Variants in EIF4G3 observed in about 807,000 individuals in gnomAD.
The protein encoded by EIF4G3 is eIF-4-gamma 3.
Under a neutral mutation model 186.4 loss-of-function variants are expected in EIF4G3, and 34 were observed. That is an observed-to-expected ratio of 0.18 (90% CI 0.14 to 0.24). EIF4G3 has a LOEUF of 0.24. EIF4G3 is among the 10% of genes least tolerant of loss of function. The pLI is 1.00. For missense variants in EIF4G3, 1,536 were observed against 1,948.5 expected (o/e 0.79, Z 3.99); for synonymous variants, 673 against 679.5 (o/e 0.99, Z 0.15).
At chr1:21,128,085 T>C (rs2097083546) in intron 2 of EIF4G3, among the ~76,000 whole-genome samples, 1 of 151,898 alleles carries the variant, frequency 6.6e-6, no homozygotes, top group South Asian at 2.1e-4. Flanking sequence ...CGGGCGCCTG[T>C]AGTCCCAGCT....
In EIF4G3 at chr1:20,806,702, T is replaced by C. The variant is rs946872202; in HGVS notation, c.*617A>G. On this transcript the variant is annotated 3_prime_UTR_variant, in exon 37 of 37. Coordinates refer to ENST00000602326, the MANE Select transcript of EIF4G3 (RefSeq NM_001391906.1). ...GAGTTCTGTGGTCCACAGCATTTCCTTCTGTTTCAATGTTATGTATGTTTT... is the reference window on the plus strand; with the variant it reads ...GAGTTCTGTGGTCCACAGCATTTCCCTCTGTTTCAATGTTATGTATGTTTT... The C allele has an allele frequency of 6.6e-6, 1 of 152,492 alleles. No individual in the cohort carries two copies. Among genetic ancestry groups the C allele is most frequent in the Non-Finnish European group, 1.5e-5 (1 of 68,008 alleles). 9.4% of individuals were successfully genotyped at this position (152,492 alleles called of 1,614,324 possible). A position where few individuals can be genotyped will look rare whatever the true frequency, so the allele number is the denominator to read the frequency against.
At chr1:21,146,046 G>C (rs1333210830) in intron 2 of EIF4G3, among the ~76,000 whole-genome samples, 1 of 152,090 alleles carries the variant, frequency 6.6e-6, no homozygotes, top group East Asian at 1.9e-4. Flanking sequence ...AGTGAGCCAA[G>C]ATTGTGCCAC....
At chr1:21,085,822 T>C (rs554914371) in intron 3 of EIF4G3, among the ~76,000 whole-genome samples, 3 of 152,116 alleles carry the variant, frequency 2.0e-5, no homozygotes, top group Admixed American at 6.6e-5. Context: ...GTCTCCCGAA[T>C]AGCTGGGACT....
intron 2 of EIF4G3, among the ~76,000 whole-genome samples, chr1:21,169,300 A>C (rs937355624): frequency 6.6e-6 from 1 of 152,012 alleles, no homozygotes; most frequent in African/African-American, 2.4e-5. Flanking sequence ...AAAATACAAA[A>C]ATTAGCTGCG....
chr1:20,857,111 C>G (rs1011295136), intron 25 of EIF4G3, among the ~76,000 whole-genome samples: 9 of 129,552 alleles, frequency 6.9e-5, no homozygotes, highest in East Asian at 6.7e-4. Context: ...TGCAGTGAGC[C>G]AAGATCGTGC....
intron 7 of EIF4G3, among the ~76,000 whole-genome samples, chr1:20,989,362 C>T (rs139611860): frequency 6.6e-6 from 1 of 150,482 alleles, no homozygotes; most frequent in Non-Finnish European, 1.5e-5. Context: ...TCGAGACCAG[C>T]CTGCCCAACA....
intron 2 of EIF4G3, among the ~76,000 whole-genome samples, chr1:21,166,399 CA>C (rs2097855931): frequency 6.6e-6 from 1 of 152,054 alleles, no homozygotes; most frequent in South Asian, 2.1e-4. Context: ...CACTACACTC[CA>C]GCCTGAAAGA....
chr1:21,082,814 G>A (rs547414453), intron 3 of EIF4G3, among the ~76,000 whole-genome samples: 23 of 151,628 alleles, frequency 1.5e-4, no homozygotes, highest in African/African-American at 4.6e-4. Flanking sequence ...CGAGACGGGC[G>A]GATCACGAGG....
chr1:21,025,778 G>C (rs2091988318), intron 4 of EIF4G3, among the ~76,000 whole-genome samples: 1 of 152,114 alleles, frequency 6.6e-6, no homozygotes, highest in Non-Finnish European at 1.5e-5. Context: ...ATGTCAAAGA[G>C]ATCTCTAGGT....
chr1:21,021,237 GC>G (rs1054342879), intron 4 of EIF4G3, among the ~76,000 whole-genome samples: 5 of 152,146 alleles, frequency 3.3e-5, no homozygotes, highest in African/African-American at 9.7e-5. Context: ...GCCCACCTCA[GC>G]CCCCCAAAGT....
intron 4 of EIF4G3, among the ~76,000 whole-genome samples, chr1:21,007,208 G>A (rs925461094): frequency 1.3e-5 from 2 of 151,988 alleles, no homozygotes; most frequent in Admixed American, 1.3e-4. Context: ...GACCAGCCTG[G>A]CCAACATGGT....
At chr1:20,981,640 AC>A (rs1283033529) in intron 8 of EIF4G3, among the ~76,000 whole-genome samples, 1 of 125,950 alleles carries the variant, frequency 7.9e-6, no homozygotes, top group Admixed American at 8.1e-5. Context: ...ATACGCACAT[AC>A]TGTATGTATA....
At chr1:21,083,146 TAGG>T (rs1369516057) in intron 3 of EIF4G3, among the ~76,000 whole-genome samples, 1 of 150,278 alleles carries the variant, frequency 6.7e-6, no homozygotes, top group East Asian at 2.0e-4. Flanking sequence ...GAAGCTGATG[TAGG>T]AGGTTCACTT....
rs569307734 is a variant in EIF4G3 at position 20,909,275 on chromosome 1, T to C, written c.1664-4304A>G. On this transcript the variant is annotated intron_variant, in intron 14 of 36. Transcript: ENST00000602326. Reference sequence around the variant, plus strand: ...ATGCATCCTGAGGAACTATTCTGTGTAGACACATGATCTAGAACATGCACT... The same window carrying C: ...ATGCATCCTGAGGAACTATTCTGTGCAGACACATGATCTAGAACATGCACT... Among the ~76,000 whole-genome samples, 5 of 152,372 alleles carry C rather than the reference T, an allele frequency of 3.3e-5. No individual in the cohort carries two copies. The East Asian group carries it at 9.6e-4, about 29-fold the overall frequency.
Position 20,864,551 on chromosome 1 carries a change from A to G in EIF4G3, c.2931T>C (p.His977=), listed in dbSNP as rs2077146895. 2 of 1,614,156 alleles carry G rather than the reference A, an allele frequency of 1.2e-6. No homozygotes were observed. Among genetic ancestry groups the G allele is most frequent in the South Asian group, 2.2e-5 (2 of 91,080 alleles). The part of the protein sequence containing the change: ...HDCVVKLLKN[H]DEESLECLCR... ...ACAGGCACTCCAGGGATTCTTCATC[A>G]TGGTTCTTTAGCAGCTTCACCACAC... The change falls in exon 22 of 37, where the codon CAT becomes CAC. Residue 977 remains histidine, a synonymous_variant. Transcript: ENST00000602326.
At chr1:20,989,217 G>A (rs899587601) in intron 7 of EIF4G3, among the ~76,000 whole-genome samples, 1 of 151,128 alleles carries the variant, frequency 6.6e-6, no homozygotes, top group African/African-American at 2.4e-5. Context: ...TCAATGGAAG[G>A]AGTAAGTGCT....
chr1:21,019,730 A>G (rs906492244), intron 4 of EIF4G3, among the ~76,000 whole-genome samples: 18 of 152,034 alleles, frequency 1.2e-4, no homozygotes, highest in Non-Finnish European at 2.6e-4. Context: ...TAAAAATACA[A>G]AAAATTAGCT....
chr1:20,829,031 C>A, intron 31 of EIF4G3, 116 bp downstream of exon 31: 5 of 1,099,628 alleles, frequency 4.5e-6, no homozygotes, highest in Non-Finnish European at 6.6e-6. Flanking sequence ...AGAGTCACAG[C>A]CTGCATTCAT....
rs183742315 is a variant in EIF4G3, at chr1:21,054,420, G to C, written c.-195-3426C>G. 2.2e-3 allele frequency among the ~76,000 whole-genome samples: 329 copies of C among 146,710 alleles called. 2 individuals are homozygous for C. The highest frequency in any genetic ancestry group is 1.8e-3 in the Non-Finnish European group (120 of 66,808). Reference sequence around the variant, plus strand: ...GACCTTCCCTCCACTATTGTCCTGTGACCCTGCCAAATCCCCCTCTGCGAG... The same window carrying C: ...GACCTTCCCTCCACTATTGTCCTGTCACCCTGCCAAATCCCCCTCTGCGAG... On this transcript the variant is annotated intron_variant, in intron 3 of 36. Transcript: ENST00000602326.
Sources: allele counts gnomAD v4.1 joint callset (sites outside exome capture counted in the v4.1 genomes callset), GRCh38; gene constraint gnomAD v4.1.1; transcripts MANE v1.5; gene names NCBI Gene and HGNC (gene_info 2026-07-23, HGNC 2026-07-21).